GALNT17: variants seen among roughly 807,000 people sequenced by gnomAD.
GALNT17 encodes the protein polypeptide N-acetylgalactosaminyltransferase 17, also known as UDP-GalNAc:polypeptide N-acetylgalactosaminyltransferase-like 3.
In GALNT17, 29 loss-of-function variants were observed where a neutral mutation model predicts 63.7. That is an observed-to-expected ratio of 0.46 (90% CI 0.34 to 0.62). The LOEUF (loss-of-function observed/expected upper bound fraction) is 0.62. Ranked by LOEUF, GALNT17 falls within the 20% of genes least tolerant of loss-of-function variation. The probability of loss-of-function intolerance (pLI) is 0.01; values close to 1 mark genes in which losing one functional copy is unlikely to be tolerated. For missense variants in GALNT17, 603 were observed against 799.6 expected, an observed-to-expected ratio of 0.75 and a Z score of 2.97; for synonymous variants, 305 against 318.3, an observed-to-expected ratio of 0.96 and a Z score of 0.45.
intron 6 of GALNT17, among the ~76,000 whole-genome samples, chr7:71,630,471 A>C (rs771269203): frequency 1.3e-5 from 2 of 152,134 alleles, no homozygotes; most frequent in South Asian, 2.1e-4. Flanking sequence ...CTGCATTTCT[A>C]TCTCTTTTCA....
intron 8 of GALNT17, among the ~76,000 whole-genome samples, chr7:71,673,641 A>G (rs1257077393): frequency 2.6e-5 from 4 of 152,096 alleles, no homozygotes; most frequent in Non-Finnish European, 4.4e-5. Flanking sequence ...AAACATGATG[A>G]CCAGCCTGTG....
intron 5 of GALNT17, among the ~76,000 whole-genome samples, chr7:71,443,728 CT>C (rs58018182): frequency 1.8e-3 from 264 of 144,724 alleles, no homozygotes; most frequent in Admixed American, 2.2e-3. Flanking sequence ...TGAGGTGTTC[CT>C]TTTTTTTTTT....
intron 5 of GALNT17, among the ~76,000 whole-genome samples, chr7:71,487,696 A>G (rs987423831): frequency 6.6e-6 from 1 of 152,140 alleles, no homozygotes; most frequent in Non-Finnish European, 1.5e-5. Flanking sequence ...GAAGCAGAAT[A>G]TTACAGAATT....
intron 6 of GALNT17, among the ~76,000 whole-genome samples, chr7:71,574,671 C>T (rs1199042499): frequency 1.3e-5 from 2 of 152,180 alleles, no homozygotes; most frequent in Non-Finnish European, 2.9e-5. Context: ...GAAGCATTCA[C>T]CTCACCTGGG....
At chr7:71,262,602 G>A (rs10244085) in intron 1 of GALNT17, among the ~76,000 whole-genome samples, 1 of 151,752 alleles carries the variant, frequency 6.6e-6, no homozygotes, top group Non-Finnish European at 1.5e-5. Flanking sequence ...GATCTTAAGG[G>A]ATAATTAAAT....
intron 5 of GALNT17, among the ~76,000 whole-genome samples, chr7:71,454,195 C>T (rs1787315289): frequency 6.6e-6 from 1 of 152,132 alleles, no homozygotes; most frequent in Non-Finnish European, 1.5e-5. Context: ...CAACCCATCA[C>T]CTAGGTATTA....
At chr7:71,374,165 C>T (rs1174092863) in intron 2 of GALNT17, among the ~76,000 whole-genome samples, 1 of 152,176 alleles carries the variant, frequency 6.6e-6, no homozygotes, top group African/African-American at 2.4e-5. Context: ...TCCACTCACA[C>T]CTTCCTTGAT....
chr7:71,164,091 G>A (rs987705835), intron 1 of GALNT17, among the ~76,000 whole-genome samples: 1 of 152,230 alleles, frequency 6.6e-6, no homozygotes, highest in African/African-American at 2.4e-5. Flanking sequence ...TTGGGAGACA[G>A]TGCTGCCTGT....
intron 5 of GALNT17, among the ~76,000 whole-genome samples, chr7:71,507,421 G>A (rs556892352): frequency 3.3e-5 from 5 of 152,202 alleles, no homozygotes; most frequent in African/African-American, 1.2e-4. Flanking sequence ...AAAACACTTG[G>A]TATGTATCTA....
chr7:71,540,092 C>CATTTTTT (rs1202520298), intron 5 of GALNT17, among the ~76,000 whole-genome samples: 34 of 59,954 alleles, frequency 5.7e-4, no homozygotes, highest in Non-Finnish European at 1.1e-3. Flanking sequence ...CTGTGCCTGG[C>CATTTTTT]CTTTTTTTTT....
chr7:71,137,736 C>T (rs569976634), intron 1 of GALNT17, among the ~76,000 whole-genome samples: 5 of 152,118 alleles, frequency 3.3e-5, no homozygotes, highest in Non-Finnish European at 5.9e-5. Context: ...CGAGATCCTT[C>T]GAGGCCCTCG....
At position 71,222,755 on chromosome 7, in the gene GALNT17, C is replaced by A. The variant is rs191280237; in HGVS notation, c.238+89715C>A. On this transcript the variant is annotated intron_variant, in intron 1 of 10. Coordinates refer to ENST00000333538, the MANE Select transcript of GALNT17 (RefSeq NM_022479.3). ...GCATCATATGTCTTACTACTGGTGA[C>A]GTTGTTACTGATTCTTAGCTTAAGA... Among the ~76,000 whole-genome samples, 5 of 152,216 alleles carry A rather than the reference C, an allele frequency of 3.3e-5. No homozygotes were observed. In the East Asian group the frequency reaches 9.7e-4, roughly 29 times the overall value.
chr7:71,639,266 C>CA (rs1790571624), intron 6 of GALNT17, among the ~76,000 whole-genome samples: 1 of 152,158 alleles, frequency 6.6e-6, no homozygotes, highest in Non-Finnish European at 1.5e-5. Flanking sequence ...AAGGAGTCAA[C>CA]AGATAAAAAC....
intron 9 of GALNT17, among the ~76,000 whole-genome samples, chr7:71,695,653 G>A (rs755689939): frequency 2.6e-5 from 4 of 152,172 alleles, no homozygotes; most frequent in Admixed American, 6.5e-5. Flanking sequence ...TCTCCCTCAA[G>A]GATTTCTCAT....
chr7:71,585,630 T>G (rs545401658), intron 6 of GALNT17, among the ~76,000 whole-genome samples: 6 of 150,168 alleles, frequency 4.0e-5, no homozygotes, highest in Admixed American at 6.6e-5. Context: ...GACTCAAGGG[T>G]TTTTTTTTAA....
intron 1 of GALNT17, among the ~76,000 whole-genome samples, chr7:71,330,629 T>G (rs1397908658): frequency 6.6e-6 from 1 of 151,954 alleles, no homozygotes; most frequent in Non-Finnish European, 1.5e-5. Context: ...CTCCAACTCC[T>G]GGGCTCAAGC....
intron 1 of GALNT17, among the ~76,000 whole-genome samples, chr7:71,240,586 G>A (rs749767915): frequency 1.3e-5 from 2 of 152,036 alleles, no homozygotes; most frequent in African/African-American, 2.4e-5. Flanking sequence ...CTGCATCCAG[G>A]TTGCCGCAAA....
At position 71,657,685 on chromosome 7, in the gene GALNT17, A is replaced by G. The variant is rs79891040; in HGVS notation, c.1081-7726A>G. 2.1e-3 allele frequency among the ~76,000 whole-genome samples: 318 copies of G among 152,352 alleles called. 3 individuals are homozygous for G. Among genetic ancestry groups the G allele is most frequent in the African/African-American group, 7.3e-3 (304 of 41,584 alleles). The stretch of plus-strand genomic sequence containing the variant: ...GAGTCATCAGATCACAACCCTGGAA[A>G]TGATATTAGAAGCCTTCTAAGCTGG... On this transcript the variant is annotated intron_variant, in intron 6 of 10. Transcript: ENST00000333538.
At chr7:71,296,049 G>C (rs781570456) in intron 1 of GALNT17, among the ~76,000 whole-genome samples, 188 of 152,068 alleles carry the variant, frequency 1.2e-3, no homozygotes, top group Non-Finnish European at 2.1e-3. Context: ...TTTTAAGTAA[G>C]TAGTCCTCTG....
Sources: allele counts gnomAD v4.1 joint callset (sites outside exome capture counted in the v4.1 genomes callset), GRCh38; gene constraint gnomAD v4.1.1; transcripts MANE v1.5; gene names NCBI Gene and HGNC (gene_info 2026-07-23, HGNC 2026-07-21).